The following RPGRIP1 variants were observed in gnomAD, a reference collection of about 807,000 sequenced individuals.
The protein encoded by RPGRIP1 is X-linked retinitis pigmentosa GTPase regulator-interacting protein 1.
In RPGRIP1, 128 loss-of-function variants were observed where a neutral mutation model predicts 157.9. The observed-to-expected ratio is 0.81, with a 90% CI of 0.70 to 0.94. The LOEUF is 0.94. Among genes scored for constraint, RPGRIP1 ranks in the 40% least tolerant of loss-of-function variants. RPGRIP1 has a pLI of 0.00. For missense variants in RPGRIP1, 1,486 were observed against 1,545.8 expected (o/e 0.96, Z 0.65); for synonymous variants, 554 against 571.6 (o/e 0.97, Z 0.44).
intron 23 of RPGRIP1, 86 bp from the exon 24 acceptor site, chr14:21,348,086 A>G (rs1885744315): frequency 9.0e-7 from 1 of 1,114,706 alleles, no homozygotes; most frequent in African/African-American, 1.6e-5. Flanking sequence ...AAGACGTTGT[A>G]TTGTTTATGA....
At chr14:21,318,502 G>A (rs1882031300) in intron 11 of RPGRIP1, among the ~76,000 whole-genome samples, 1 of 152,046 alleles carries the variant, frequency 6.6e-6, no homozygotes, top group Admixed American at 6.6e-5. Context: ...TTCTGAGAGA[G>A]TCTCACTCTG....
chr14:21,338,209 C>CCCGG (rs1195801722), intron 21 of RPGRIP1, among the ~76,000 whole-genome samples: 1 of 152,200 alleles, frequency 6.6e-6, no homozygotes, highest in Non-Finnish European at 1.5e-5. Flanking sequence ...AGCCACCGCT[C>CCCGG]CTGGCCTCCC....
At position 21,343,242 on chromosome 14, in the gene RPGRIP1, T is replaced by G; in HGVS notation, c.3532+14T>G. On this transcript the variant is annotated intron_variant, in intron 22 of 24. Transcript: ENST00000400017. ...ACTTTAGCAAGGGTGAGGCATCCTG[T>G]GTGGTTACTGGGGTGAGGAAGTCTG... 6.2e-7 allele frequency: 1 copy of G among 1,604,942 alleles called. No individual in the cohort carries two copies. Among genetic ancestry groups the G allele is most frequent in the East Asian group, 2.2e-5 (1 of 44,770 alleles).
At position 21,339,126 on chromosome 14, in the gene RPGRIP1, A is replaced by T. The variant is rs1884713033; in HGVS notation, c.3340-3910A>T. 2.0e-5 allele frequency among the ~76,000 whole-genome samples: 3 copies of T among 147,100 alleles called. No homozygotes were observed. In the South Asian group the frequency reaches 6.5e-4, roughly 32 times the overall value. ...ACTCCAGCCTGGGCGACAGAGCAAGACTCTATCTCAAAAAATTGTTTTGTT... is the reference window on the plus strand; with the variant it reads ...ACTCCAGCCTGGGCGACAGAGCAAGTCTCTATCTCAAAAAATTGTTTTGTT... On this transcript the variant is annotated intron_variant, in intron 21 of 24. Coordinates refer to ENST00000400017, the MANE Select transcript of RPGRIP1 (RefSeq NM_020366.4).
intron 3 of RPGRIP1, among the ~76,000 whole-genome samples, chr14:21,300,020 G>T (rs925502447): frequency 1.3e-5 from 2 of 152,166 alleles, no homozygotes; most frequent in African/African-American, 4.8e-5. Flanking sequence ...CAAAGGCCGG[G>T]CGCGGTGGCT....
chr14:21,344,623 A>C (rs1885374461), intron 22 of RPGRIP1, among the ~76,000 whole-genome samples: 1 of 152,188 alleles, frequency 6.6e-6, no homozygotes, highest in Non-Finnish European at 1.5e-5. Context: ...CTCATATTTG[A>C]TTCAAGTGTG....
At chr14:21,322,359 A>G (rs1733710351) in intron 14 of RPGRIP1, among the ~76,000 whole-genome samples, 1 of 151,996 alleles carries the variant, frequency 6.6e-6, no homozygotes, top group African/African-American at 2.4e-5. Flanking sequence ...GGGTTTCACC[A>G]TGTTGGCCAG....
intron 24 of RPGRIP1, among the ~76,000 whole-genome samples, 158 bp downstream of exon 24, chr14:21,348,460 A>T (rs1189178670): frequency 6.6e-6 from 1 of 152,234 alleles, no homozygotes; most frequent in Non-Finnish European, 1.5e-5. Context: ...TGGATCCAAC[A>T]TTAAAGTAGT....
chr14:21,327,499 GTTAA>G lies in RPGRIP1; in HGVS notation c.2711-117_2711-114del, dbSNP rs1365329253. 3.2e-5 allele frequency: 24 copies of G among 752,990 alleles called. No individual in the cohort carries two copies. The East Asian group carries it at 3.2e-4, about 10-fold the overall frequency. 46.6% of individuals were successfully genotyped at this position (752,990 alleles called of 1,614,324 possible). ...TCATCATCGTAATTATTTAATGGAT[GTTAA>G]TTAATTGCTGATAAAATATGTTGAA... On this transcript the variant is annotated intron_variant, in intron 17 of 24. Coordinates refer to ENST00000400017, the MANE Select transcript of RPGRIP1 (RefSeq NM_020366.4).
intron 21 of RPGRIP1, among the ~76,000 whole-genome samples, chr14:21,341,967 G>A (rs937382914): frequency 1.3e-5 from 2 of 151,740 alleles, no homozygotes; most frequent in African/African-American, 2.4e-5. Context: ...GGAGAATGGC[G>A]GGAACCCGGG....
rs547962997 is a variant in RPGRIP1, at chr14:21,329,625, C to T, written c.3100-624C>T. The stretch of plus-strand genomic sequence containing the variant: ...CAAGCAATTCTGCTGCCTCAGCCTC[C>T]CAAGTAGCTGGGATTACAGGCACGT... On this transcript the variant is annotated intron_variant, in intron 19 of 24. Coordinates refer to ENST00000400017, the MANE Select transcript of RPGRIP1 (RefSeq NM_020366.4). 2.0e-5 allele frequency among the ~76,000 whole-genome samples: 3 copies of T among 149,934 alleles called. No individual in the cohort carries two copies. In the East Asian group the frequency reaches 6.3e-4, roughly 32 times the overall value.
At chr14:21,317,013 A>C (rs1255392530) in intron 10 of RPGRIP1, among the ~76,000 whole-genome samples, 2 of 151,936 alleles carry the variant, frequency 1.3e-5, no homozygotes, top group East Asian at 3.9e-4. Context: ...CCAGCTACTC[A>C]GGAGGCTGAG....
chr14:21,340,408 A>G (rs1884876639), intron 21 of RPGRIP1, among the ~76,000 whole-genome samples: 1 of 152,142 alleles, frequency 6.6e-6, no homozygotes, highest in Admixed American at 6.5e-5. Context: ...TAGTCCCAAC[A>G]CTTTGGGAGG....
chr14:21,283,910 C>T (rs1349734888), intron 1 of RPGRIP1, among the ~76,000 whole-genome samples: 2 of 152,270 alleles, frequency 1.3e-5, no homozygotes, highest in Non-Finnish European at 2.9e-5. Context: ...GGATTATAAA[C>T]GTGAGCCACC....
Position 21,326,193 on chromosome 14 carries a change from A to G in RPGRIP1, c.2710+20A>G. 6.1e-6 allele frequency: 9 copies of G among 1,485,182 alleles called. No homozygotes were observed. Among genetic ancestry groups the G allele is most frequent in the Non-Finnish European group, 8.2e-6 (9 of 1,091,476 alleles). 92.0% of individuals were successfully genotyped at this position (1,485,182 alleles called of 1,614,324 possible). On this transcript the variant is annotated intron_variant, in intron 17 of 24. Transcript: ENST00000400017. Reference sequence around the variant, plus strand: ...TCAAAGGTGGGAGTTCGAGGTTATTACATCTTCACGCCCTCTTCCCAGTGT... The same window carrying G: ...TCAAAGGTGGGAGTTCGAGGTTATTGCATCTTCACGCCCTCTTCCCAGTGT...
intron 17 of RPGRIP1, among the ~76,000 whole-genome samples, chr14:21,327,007 T>A (rs1211813619): frequency 6.6e-6 from 1 of 152,092 alleles, no homozygotes; most frequent in African/African-American, 2.4e-5. Flanking sequence ...GGGGTATCCA[T>A]GTTTTCCTTA....
chr14:21,309,724 A>C (rs1881468164), intron 7 of RPGRIP1, among the ~76,000 whole-genome samples: 1 of 152,174 alleles, frequency 6.6e-6, no homozygotes, highest in African/African-American at 2.4e-5. Context: ...TTTAGACTTT[A>C]TCCTACAAAC....
intron 9 of RPGRIP1, among the ~76,000 whole-genome samples, 163 bp from the exon 10 acceptor site, chr14:21,312,270 G>C (rs1020208488): frequency 6.6e-6 from 1 of 152,108 alleles, no homozygotes; most frequent in African/African-American, 2.4e-5. Flanking sequence ...GTTTCTAGCC[G>C]ACCTTCAATT....
chr14:21,322,623 ATC>A (rs879634482), intron 14 of RPGRIP1, among the ~76,000 whole-genome samples: 6 of 147,958 alleles, frequency 4.1e-5, no homozygotes, highest in South Asian at 4.3e-4. Context: ...GTAACACACA[ATC>A]TCTCTCTCTC....
Sources: gnomAD v4.1 joint callset for allele counts (sites outside exome capture counted in the v4.1 genomes callset) on GRCh38, gnomAD v4.1.1 for gene constraint, MANE v1.5 for transcripts, NCBI Gene and HGNC (gene_info 2026-07-23, HGNC 2026-07-21) for gene names.